Variants in CAP2 observed in about 807,000 individuals in gnomAD.
CAP2 encodes cyclase associated actin cytoskeleton regulatory protein 2, also known as adenylyl cyclase-associated protein 2.
Under a neutral mutation model 57.7 loss-of-function variants are expected in CAP2, and 24 were observed. That is an observed-to-expected ratio of 0.42 (90% confidence interval 0.30 to 0.58). The LOEUF is 0.58. CAP2 is among the 20% of genes least tolerant of loss of function. The pLI, the probability that CAP2 is intolerant of heterozygous loss-of-function variation, is 0.22. For missense variants in CAP2, 501 were observed against 590.3 expected (o/e 0.85, Z 1.57); for synonymous variants, 194 against 207.2 (o/e 0.94, Z 0.55).
intron 12 of CAP2, among the ~76,000 whole-genome samples, chr6:17,554,489 C>T (rs1029217662): frequency 3.9e-5 from 6 of 152,236 alleles, no homozygotes; most frequent in Non-Finnish European, 8.8e-5. Flanking sequence ...AACTTCTGGG[C>T]TCAGAGGATC....
At chr6:17,444,527 G>A (rs1760191942) in intron 3 of CAP2, among the ~76,000 whole-genome samples, 1 of 151,452 alleles carries the variant, frequency 6.6e-6, no homozygotes, top group Admixed American at 6.6e-5. Flanking sequence ...TGTAGACCCA[G>A]CTACTCGAGA....
intron 7 of CAP2, 109 bp from the exon 8 acceptor site, chr6:17,539,160 G>A (rs12664318): frequency 9.9e-7 from 1 of 1,015,138 alleles, no homozygotes; most frequent in Non-Finnish European, 1.5e-6. Context: ...CCTTTGCTCA[G>A]GCTTCAACCC....
chr6:17,430,603 A>C (rs552873836), intron 3 of CAP2, among the ~76,000 whole-genome samples: 1 of 148,948 alleles, frequency 6.7e-6, no homozygotes, highest in Non-Finnish European at 1.5e-5. Flanking sequence ...CAGTGGCGTG[A>C]TCTGAGCTCA....
chr6:17,536,086 T>G (rs140872306), intron 7 of CAP2, among the ~76,000 whole-genome samples: 9 of 152,360 alleles, frequency 5.9e-5, no homozygotes, highest in Admixed American at 3.9e-4. Flanking sequence ...CCCAAAGTGC[T>G]GGGACTACAT....
intron 3 of CAP2, among the ~76,000 whole-genome samples, chr6:17,448,150 G>A (rs1265220687): frequency 2.6e-5 from 4 of 152,222 alleles, no homozygotes; most frequent in South Asian, 2.1e-4. Flanking sequence ...GGATAATGCC[G>A]TAATGCTTAG....
chr6:17,530,819 T>A, intron 7 of CAP2: 1 of 290,052 alleles, frequency 3.4e-6, no homozygotes. Flanking sequence ...GGTCTCCCAC[T>A]TTTTTTTTTT....
chr6:17,426,231 CTT>C (rs551759980), intron 2 of CAP2, among the ~76,000 whole-genome samples: 12 of 139,952 alleles, frequency 8.6e-5, no homozygotes, highest in Non-Finnish European at 1.2e-4. Flanking sequence ...CCCAGGTTTT[CTT>C]TTTTTTTTTT....
chr6:17,479,874 CA>C (rs1425198671), intron 4 of CAP2, among the ~76,000 whole-genome samples: 2 of 151,938 alleles, frequency 1.3e-5, no homozygotes, highest in Non-Finnish European at 2.9e-5. Flanking sequence ...CTCGGCCTCC[CA>C]AAGTGCTGGG....
chr6:17,433,331 T>C (rs1193520954), intron 3 of CAP2, among the ~76,000 whole-genome samples: 2 of 152,236 alleles, frequency 1.3e-5, no homozygotes, highest in African/African-American at 2.4e-5. Context: ...TCTGACTCCT[T>C]CGTCTAAAAG....
At chr6:17,410,030 C>T (rs1177445191) in intron 1 of CAP2, among the ~76,000 whole-genome samples, 1 of 152,224 alleles carries the variant, frequency 6.6e-6, no homozygotes, top group Non-Finnish European at 1.5e-5. Flanking sequence ...ATTTACTCGT[C>T]ATTCATGCTT....
chr6:17,548,975 T>C (rs908187497), intron 11 of CAP2, among the ~76,000 whole-genome samples: 1 of 152,142 alleles, frequency 6.6e-6, no homozygotes, highest in African/African-American at 2.4e-5. Context: ...GAGTAGGAAA[T>C]AAATTAATTA....
intron 2 of CAP2, 104 bp from the exon 3 acceptor site, chr6:17,426,486 C>A: frequency 1.3e-6 from 1 of 779,336 alleles, no homozygotes. Context: ...CTGCCTGCCT[C>A]GGACTCCCAA....
At chr6:17,418,142 C>G (rs1030058774) in intron 1 of CAP2, among the ~76,000 whole-genome samples, 2 of 152,132 alleles carry the variant, frequency 1.3e-5, no homozygotes, top group Admixed American at 6.5e-5. Context: ...GGGAGACAGA[C>G]AGGGAGAGAG....
At chr6:17,488,720 A>G (rs747043464) in intron 4 of CAP2, among the ~76,000 whole-genome samples, 2 of 152,204 alleles carry the variant, frequency 1.3e-5, no homozygotes, top group African/African-American at 2.4e-5. Context: ...CATAGTTTCA[A>G]TCACATCAGA....
intron 7 of CAP2, among the ~76,000 whole-genome samples, chr6:17,524,074 CAAAAA>C (rs10523029): frequency 2.5e-5 from 3 of 118,954 alleles, no homozygotes; most frequent in African/African-American, 3.8e-5. Context: ...GACTCTGTCT[CAAAAA>C]AAAAAAAAAA....
In CAP2 at chr6:17,551,448, T is replaced by A. The variant is rs948363799; in HGVS notation, c.1210-16T>A. 4 of 1,577,008 alleles carry A rather than the reference T, an allele frequency of 2.5e-6. No homozygotes were observed. The highest frequency in any genetic ancestry group is 3.5e-6 in the Non-Finnish European group (4 of 1,158,968). ...TGTTTCTTTGCTTTGGTCCCAGGTA[T>A]TTTTTCCTATTTCAGGTAATGGGGA... is the stretch of plus-strand genomic sequence containing the variant. On this transcript the variant is annotated splice_polypyrimidine_tract_variant and intron_variant, in intron 11 of 12. Coordinates refer to ENST00000229922, the MANE Select transcript of CAP2 (RefSeq NM_006366.3).
chr6:17,462,163 C>A (rs1423479289), intron 3 of CAP2, among the ~76,000 whole-genome samples: 9 of 151,896 alleles, frequency 5.9e-5, no homozygotes. Context: ...GGTGTTGAGT[C>A]CAGGTGGGGC....
intron 4 of CAP2, among the ~76,000 whole-genome samples, chr6:17,470,707 A>C (rs572158824): frequency 2.0e-4 from 30 of 152,344 alleles, no homozygotes; most frequent in African/African-American, 7.2e-4. Context: ...TGGGGAATTT[A>C]ACCCACCTCT....
At chr6:17,503,477 G>A (rs557665567) in intron 4 of CAP2, among the ~76,000 whole-genome samples, 15 of 152,042 alleles carry the variant, frequency 9.9e-5, no homozygotes, top group African/African-American at 3.4e-4. Flanking sequence ...GGTGGCGTGT[G>A]TCTGTAATCC....
Sources: allele counts gnomAD v4.1 joint callset (sites outside exome capture counted in the v4.1 genomes callset), GRCh38; gene constraint gnomAD v4.1.1; transcripts MANE v1.5; gene names NCBI Gene and HGNC (gene_info 2026-07-23, HGNC 2026-07-21).